Variants in ROBO2 observed in about 807,000 individuals in gnomAD.
The protein encoded by ROBO2 is roundabout homolog 2.
In ROBO2, 53 loss-of-function variants were observed where a neutral mutation model predicts 160.8. The observed-to-expected ratio is 0.33, with a 90% CI of 0.26 to 0.41. The LOEUF is 0.41. Among genes scored for constraint, ROBO2 ranks in the 10% least tolerant of loss-of-function variants. The pLI, the probability that ROBO2 is intolerant of heterozygous loss-of-function variation, is 1.00. For synonymous variants in ROBO2, 664 were observed against 611.7 expected (o/e 1.09, Z -1.26); for missense variants, 1,577 against 1,722.4 (o/e 0.92, Z 1.49).
intron 2 of ROBO2, among the ~76,000 whole-genome samples, chr3:76,250,473 G>C (rs1040871512): frequency 2.0e-5 from 3 of 152,042 alleles, no homozygotes; most frequent in Non-Finnish European, 4.4e-5. Flanking sequence ...GGGAAGTGTT[G>C]TCCGTGCATA....
At chr3:75,967,547 G>C (rs1429302463) in intron 2 of ROBO2, among the ~76,000 whole-genome samples, 1 of 151,354 alleles carries the variant, frequency 6.6e-6, no homozygotes, top group African/African-American at 2.4e-5. Context: ...CAAATTCATG[G>C]CACTCAGATT....
At chr3:77,098,847 C>T (rs1336401862) in intron 2 of ROBO2, among the ~76,000 whole-genome samples, 6 of 149,906 alleles carry the variant, frequency 4.0e-5, no homozygotes. Flanking sequence ...CAGAGCGAGA[C>T]TCCGTCTCAA....
intron 5 of ROBO2, among the ~76,000 whole-genome samples, chr3:77,507,968 A>G (rs544228961): frequency 1.3e-5 from 2 of 152,202 alleles, no homozygotes; most frequent in South Asian, 2.1e-4. Flanking sequence ...AAAATTGCCA[A>G]AAGAGTGTTG....
chr3:76,820,437 A>C (rs192980993), intron 2 of ROBO2, among the ~76,000 whole-genome samples: 75 of 152,166 alleles, frequency 4.9e-4, no homozygotes, highest in African/African-American at 1.6e-3. Context: ...AAATTGCATT[A>C]GGTAATTTTA....
chr3:76,283,136 G>GTATATATA lies in ROBO2; in HGVS notation c.109+345543_109+345550dup, dbSNP rs547807116. Among the ~76,000 whole-genome samples the GTATATATA allele has an allele frequency of 7.2e-4, 46 of 63,538 alleles. 5 individuals carry two copies. The highest frequency in any genetic ancestry group is 0.011 in the Middle Eastern group (1 of 88). 41.7% of individuals were successfully genotyped at this position (63,538 alleles called of 152,430 possible). ...GTTATATATGTATATATATAAAACTGTATATATATATATATAAAACTACAT... is the reference window on the plus strand; with the variant it reads ...GTTATATATGTATATATATAAAACTGTATATATATATATATATATATATAAAACTACAT... On this transcript the variant is annotated intron_variant, in intron 2 of 26. Transcript: ENST00000487694.
At chr3:76,898,743 T>C (rs2075003485) in intron 2 of ROBO2, among the ~76,000 whole-genome samples, 1 of 152,188 alleles carries the variant, frequency 6.6e-6, no homozygotes, top group African/African-American at 2.4e-5. Flanking sequence ...TTCAGCAGTA[T>C]GGCGGTGTGA....
intron 2 of ROBO2, among the ~76,000 whole-genome samples, chr3:76,884,914 A>G (rs964039601): frequency 6.6e-6 from 1 of 152,112 alleles, no homozygotes; most frequent in Non-Finnish European, 1.5e-5. Flanking sequence ...AATAGCTTAA[A>G]GAGGGTGAAA....
At chr3:76,130,691 A>G (rs917133416) in intron 2 of ROBO2, among the ~76,000 whole-genome samples, 3 of 152,136 alleles carry the variant, frequency 2.0e-5, no homozygotes, top group African/African-American at 4.8e-5. Context: ...TACCTGAAAA[A>G]ATCAACTATC....
intron 2 of ROBO2, among the ~76,000 whole-genome samples, chr3:76,475,184 G>T (rs187768460): frequency 6.9e-4 from 105 of 152,190 alleles, no homozygotes; most frequent in African/African-American, 2.5e-3. Context: ...TCATAAGATG[G>T]TATTTGACCA....
intron 2 of ROBO2, among the ~76,000 whole-genome samples, chr3:76,308,376 C>CAAA (rs71277580): frequency 0.026 from 2,222 of 84,772 alleles, 138 homozygotes; most frequent in South Asian, 0.05. Flanking sequence ...GACTCTGTCT[C>CAAA]AAAAAAAAAA....
chr3:76,599,474 T>C (rs1390949764), intron 2 of ROBO2, among the ~76,000 whole-genome samples: 1 of 152,136 alleles, frequency 6.6e-6, no homozygotes, highest in East Asian at 1.9e-4. Context: ...GTTGATTCCA[T>C]GTCTTTGTTA....
chr3:75,952,644 T>C (rs1948589244), intron 2 of ROBO2, among the ~76,000 whole-genome samples: 1 of 152,006 alleles, frequency 6.6e-6, no homozygotes, highest in Non-Finnish European at 1.5e-5. Flanking sequence ...TATTATTGAC[T>C]AAAGTCTGTA....
intron 2 of ROBO2, among the ~76,000 whole-genome samples, chr3:76,676,363 A>G (rs548173994): frequency 5.3e-5 from 8 of 151,966 alleles, no homozygotes; most frequent in African/African-American, 1.9e-4. Flanking sequence ...ACCTTCTGCT[A>G]TGATAGTAAG....
chr3:75,928,253 G>A (rs932244691), intron 1 of ROBO2, among the ~76,000 whole-genome samples: 3 of 152,038 alleles, frequency 2.0e-5, no homozygotes, highest in African/African-American at 7.2e-5. Flanking sequence ...CAAAGTGCTG[G>A]GATTACAGGC....
chr3:76,456,648 T>C (rs1228596994), intron 2 of ROBO2, among the ~76,000 whole-genome samples: 1 of 152,226 alleles, frequency 6.6e-6, no homozygotes, highest in East Asian at 1.9e-4. Flanking sequence ...TACAGCTTTT[T>C]AAAGTTTGTA....
chr3:75,956,330 C>A (rs1270697369), intron 2 of ROBO2, among the ~76,000 whole-genome samples: 1 of 151,584 alleles, frequency 6.6e-6, no homozygotes, highest in African/African-American at 2.4e-5. Flanking sequence ...ACTTTTGGGT[C>A]TTTCTGTAAT....
intron 6 of ROBO2, among the ~76,000 whole-genome samples, chr3:77,526,470 T>C (rs2091170988): frequency 6.6e-6 from 1 of 151,550 alleles, no homozygotes; most frequent in Non-Finnish European, 1.5e-5. Context: ...TGAAATTTCA[T>C]ATACTACTAA....
intron 2 of ROBO2, among the ~76,000 whole-genome samples, chr3:76,053,612 A>G (rs73842912): frequency 0.021 from 3,125 of 152,218 alleles, 44 homozygotes; most frequent in East Asian, 0.081. Flanking sequence ...ATGCTATAAA[A>G]TAACTATCTT....
At chr3:76,491,866 A>G (rs2079843088) in intron 2 of ROBO2, among the ~76,000 whole-genome samples, 1 of 152,138 alleles carries the variant, frequency 6.6e-6, no homozygotes, top group Non-Finnish European at 1.5e-5. Flanking sequence ...AGGCCAAGGC[A>G]GAAGGATCAC....
Sources: allele counts gnomAD v4.1 joint callset (sites outside exome capture counted in the v4.1 genomes callset), GRCh38; gene constraint gnomAD v4.1.1; transcripts MANE v1.5; gene names NCBI Gene and HGNC (gene_info 2026-07-23, HGNC 2026-07-21).